Variants in TRABD2B observed in about 807,000 individuals in gnomAD.
TRABD2B encodes the protein TraB domain containing 2B, also known as metalloprotease TIKI2.
Under a neutral mutation model 40.1 loss-of-function variants are expected in TRABD2B, and 14 were observed. The ratio of observed to expected loss-of-function variants is 0.35; its 90% CI spans 0.23 to 0.55. The LOEUF (loss-of-function observed/expected upper bound fraction) is 0.55, where lower values mean the gene tolerates loss of function less well. Ranked by LOEUF, TRABD2B falls within the 20% of genes least tolerant of loss-of-function variation. TRABD2B has a pLI of 0.90. For synonymous variants in TRABD2B, 263 were observed against 277.0 expected, an observed-to-expected ratio of 0.95 and a Z score of 0.50; for missense variants, 541 against 648.6, an observed-to-expected ratio of 0.83 and a Z score of 1.80.
At chr1:47,825,811 C>G (rs1645166420) in intron 2 of TRABD2B, among the ~76,000 whole-genome samples, 1 of 151,756 alleles carries the variant, frequency 6.6e-6, no homozygotes, top group Non-Finnish European at 1.5e-5. Context: ...GGGAAAGCAA[C>G]TCCCTGAGGC....
chr1:47,789,311 G>A (rs577220799), intron 4 of TRABD2B, among the ~76,000 whole-genome samples: 31 of 152,216 alleles, frequency 2.0e-4, no homozygotes, highest in Non-Finnish European at 1.9e-4. Context: ...AGGTTCATGG[G>A]CCCTCATTGC....
chr1:47,866,909 G>C (rs1046465854), intron 2 of TRABD2B, among the ~76,000 whole-genome samples: 4 of 152,186 alleles, frequency 2.6e-5, no homozygotes, highest in African/African-American at 4.8e-5. Flanking sequence ...GCCCAGATTT[G>C]ATTGCAAAGC....
At chr1:47,805,528 C>T (rs956763877) in intron 2 of TRABD2B, among the ~76,000 whole-genome samples, 2 of 152,110 alleles carry the variant, frequency 1.3e-5, no homozygotes, top group Non-Finnish European at 2.9e-5. Context: ...ACTGAATTGT[C>T]CCTGTTCTCT....
chr1:47,901,142 A>G (rs543323543), intron 2 of TRABD2B, among the ~76,000 whole-genome samples: 24 of 152,284 alleles, frequency 1.6e-4, no homozygotes, highest in Admixed American at 5.9e-4. Context: ...TGGAAACCTA[A>G]TATCTCTCCT....
At chr1:47,849,603 A>T (rs1482776594) in intron 2 of TRABD2B, among the ~76,000 whole-genome samples, 1 of 152,172 alleles carries the variant, frequency 6.6e-6, no homozygotes, top group African/African-American at 2.4e-5. Context: ...GCTAGCTAGA[A>T]TGTAAGTTCT....
Position 47,887,873 on chromosome 1 carries a change from G to A in TRABD2B, c.667-86254C>T, listed in dbSNP as rs1459749941. On this transcript the variant is annotated intron_variant, in intron 2 of 6. Coordinates refer to ENST00000606738, the MANE Select transcript of TRABD2B (RefSeq NM_001194986.2). Reference sequence around the variant, plus strand: ...CCCCTGACAGCTTCCTCTCTCATTAGGATCTCTCTGACAACCCTGAGGATT... The same window carrying A: ...CCCCTGACAGCTTCCTCTCTCATTAAGATCTCTCTGACAACCCTGAGGATT... Among the ~76,000 whole-genome samples, 3 of 152,142 alleles carry A rather than the reference G, an allele frequency of 2.0e-5. No individual in the cohort carries two copies. In the East Asian group the frequency reaches 5.8e-4, roughly 29 times the overall value.
At chr1:47,788,177 T>C (rs188544754) in intron 4 of TRABD2B, among the ~76,000 whole-genome samples, 88 of 152,308 alleles carry the variant, frequency 5.8e-4, no homozygotes, top group Non-Finnish European at 1.1e-3. Flanking sequence ...TATAAGTTGA[T>C]GGATATGGGA....
rs577708291 is a variant in TRABD2B, at chr1:47,994,196, G to A, written c.504C>T (p.Leu168=). The stretch of plus-strand genomic sequence containing the variant: ...CCCTCTCTGTGAGCGAGTTTACCAT[G>A]AGCATCACCCAGACGGGCCTCTTGC... ...WERKRPVWVM[L]MVNSLTERDV... The change falls in exon 2 of 7, where the codon CTC becomes CTT. Residue 168 remains leucine (L), a synonymous_variant. Transcript: ENST00000606738. This position sits in a 1 kb window ranked among gnomAD's most constrained non-coding sequence, Gnocchi z 6.7. 2.0e-5 allele frequency: 31 copies of A among 1,544,030 alleles called. 1 individual carries two copies. Among genetic ancestry groups the A allele is most frequent in the African/African-American group, 1.2e-4 (9 of 73,500 alleles).
At chr1:47,943,890 C>A (rs1285006331) in intron 2 of TRABD2B, among the ~76,000 whole-genome samples, 3 of 152,188 alleles carry the variant, frequency 2.0e-5, no homozygotes, top group Non-Finnish European at 4.4e-5. Context: ...ATTTACCACA[C>A]ACCTACTGCC....
At chr1:47,911,569 C>T (rs1275604090) in intron 2 of TRABD2B, among the ~76,000 whole-genome samples, 4 of 152,222 alleles carry the variant, frequency 2.6e-5, no homozygotes, top group Admixed American at 6.5e-5. Flanking sequence ...ACTCACCTTG[C>T]GAACACCACC....
At chr1:47,826,985 A>C (rs1031216110) in intron 2 of TRABD2B, among the ~76,000 whole-genome samples, 2 of 152,212 alleles carry the variant, frequency 1.3e-5, no homozygotes, top group African/African-American at 4.8e-5. Flanking sequence ...GGCCTAGGGC[A>C]AAGATGGGGA....
chr1:47,886,312 T>C (rs1644369835), intron 2 of TRABD2B, among the ~76,000 whole-genome samples: 1 of 152,218 alleles, frequency 6.6e-6, no homozygotes, highest in South Asian at 2.1e-4. Context: ...CTGTTCAGCA[T>C]GATGGATGAA....
chr1:47,986,914 G>A (rs1476296832), intron 2 of TRABD2B, among the ~76,000 whole-genome samples: 2 of 152,158 alleles, frequency 1.3e-5, no homozygotes, highest in Non-Finnish European at 2.9e-5. Flanking sequence ...TTAAGTGGGC[G>A]GACAGAGAGC....
intron 4 of TRABD2B, among the ~76,000 whole-genome samples, chr1:47,792,412 G>T (rs1254735696): frequency 6.6e-6 from 1 of 152,236 alleles, no homozygotes; most frequent in African/African-American, 2.4e-5. Context: ...CACAATGTGG[G>T]GAGGAGTCCA....
intron 2 of TRABD2B, among the ~76,000 whole-genome samples, chr1:47,842,639 T>C (rs553614115): frequency 1.3e-5 from 2 of 152,194 alleles, no homozygotes; most frequent in Non-Finnish European, 2.9e-5. Context: ...CTTGGGCAAG[T>C]GGCTTACTTC....
chr1:47,784,718 C>T (rs1013287170), intron 4 of TRABD2B, among the ~76,000 whole-genome samples: 4 of 152,184 alleles, frequency 2.6e-5, no homozygotes, highest in African/African-American at 9.7e-5. Flanking sequence ...GGAGGATGGA[C>T]AACTGGTCTC....
chr1:47,943,861 C>T (rs1323109155), intron 2 of TRABD2B, among the ~76,000 whole-genome samples: 2 of 151,984 alleles, frequency 1.3e-5, no homozygotes, highest in Non-Finnish European at 1.5e-5. Flanking sequence ...ATAGAATTTA[C>T]TGGAACTCAA....
At chr1:47,788,584 A>G (rs1311171998) in intron 4 of TRABD2B, among the ~76,000 whole-genome samples, 2 of 152,184 alleles carry the variant, frequency 1.3e-5, no homozygotes, top group African/African-American at 4.8e-5. Context: ...CATTCCTGGA[A>G]GGCTCTTAGC....
chr1:47,923,891 TCA>T (rs1476196403), intron 2 of TRABD2B, among the ~76,000 whole-genome samples: 1 of 150,392 alleles, frequency 6.6e-6, no homozygotes, highest in African/African-American at 2.5e-5. Flanking sequence ...TCTCTCTCTC[TCA>T]CTCTCTACAC....
Sources: gnomAD v4.1 joint callset for allele counts (sites outside exome capture counted in the v4.1 genomes callset) on GRCh38, gnomAD v4.1.1 for gene constraint, Gnocchi (gnomAD v3.1) non-coding constraint, MANE v1.5 for transcripts, NCBI Gene and HGNC (gene_info 2026-07-23, HGNC 2026-07-21) for gene names.